The following TMEM161B variants were observed in gnomAD, a reference collection of about 807,000 sequenced individuals.
The protein encoded by TMEM161B is transmembrane protein 161B.
TMEM161B carries 34 observed loss-of-function variants against 61.8 expected under a neutral mutation model. The ratio of observed to expected loss-of-function variants is 0.55; its 90% confidence interval spans 0.42 to 0.73. The LOEUF is 0.73. Among genes scored for constraint, TMEM161B ranks in the 30% least tolerant of loss-of-function variants. The pLI is 0.00. For missense variants in TMEM161B, 456 were observed against 558.5 expected (o/e 0.82, Z 1.85); for synonymous variants, 167 against 192.8 (o/e 0.87, Z 1.11).
intron 1 of TMEM161B, among the ~76,000 whole-genome samples, chr5:88,262,328 A>T (rs1258543699): frequency 6.6e-6 from 1 of 152,178 alleles, no homozygotes; most frequent in East Asian, 1.9e-4. Flanking sequence ...ATGCAAAATG[A>T]TATAGCTTCT....
chr5:88,250,405 T>A (rs1174336558), intron 1 of TMEM161B, among the ~76,000 whole-genome samples: 2 of 152,132 alleles, frequency 1.3e-5, no homozygotes, highest in African/African-American at 4.8e-5. Context: ...ATCATTAATA[T>A]TTCCCATTCC....
At chr5:88,225,888 C>A (rs764760069) in intron 3 of TMEM161B, 22 bp from the exon 4 acceptor site, 3 of 1,508,178 alleles carry the variant, frequency 2.0e-6, no homozygotes, top group African/African-American at 2.8e-5. Context: ...AGACAAGTGA[C>A]ACAAAAAACA....
intron 5 of TMEM161B, among the ~76,000 whole-genome samples, chr5:88,217,091 T>G (rs1295437380): frequency 6.6e-6 from 1 of 152,158 alleles, no homozygotes; most frequent in Non-Finnish European, 1.5e-5. Context: ...ACTGCAGTTA[T>G]TAAGACTTCC....
chr5:88,189,650 T>C (rs536202353), exon 13 of TMEM161B: 6 of 163,560 alleles, frequency 3.7e-5, no homozygotes, highest in Non-Finnish European at 6.7e-5. Flanking sequence ...CAGGCTGAGA[T>C]TGTGTAATTT....
rs183666721 is a variant in TMEM161B at position 88,246,522 on chromosome 5, T to C, written c.4-5606A>G. Among the ~76,000 whole-genome samples, 542 of 152,040 alleles carry C rather than the reference T, an allele frequency of 3.6e-3. 2 individuals are homozygous for C. The highest frequency in any genetic ancestry group is 5.9e-3 in the Non-Finnish European group (401 of 67,914). ...CAATTTTTAAGATATTACTATGCAA[T>C]TGACAATTACAGTGTACATGCCAGG... is the stretch of plus-strand genomic sequence containing the variant. On this transcript the variant is annotated intron_variant, in intron 1 of 11. Coordinates refer to ENST00000296595, the MANE Select transcript of TMEM161B (RefSeq NM_153354.5).
intron 5 of TMEM161B, among the ~76,000 whole-genome samples, chr5:88,215,657 T>C (rs1747699863): frequency 6.6e-6 from 1 of 152,202 alleles, no homozygotes; most frequent in South Asian, 2.1e-4. Flanking sequence ...AGCTACAGGA[T>C]TCCTGCAGAG....
At chr5:88,268,667 T>C in intron 1 of TMEM161B, 54 bp downstream of exon 1, 3 of 1,613,308 alleles carry the variant, frequency 1.9e-6, no homozygotes, top group Non-Finnish European at 1.7e-6. Flanking sequence ...AGTACTGACC[T>C]CCCCGCCCTT....
chr5:88,249,395 T>C (rs1292771449), intron 1 of TMEM161B, among the ~76,000 whole-genome samples: 2 of 152,152 alleles, frequency 1.3e-5, no homozygotes, highest in South Asian at 2.1e-4. Flanking sequence ...TTGCAAAGCA[T>C]TTCTAACTGC....
chr5:88,196,525 A>G (rs779170372), intron 11 of TMEM161B, 37 bp from the exon 12 acceptor site: 35 of 1,516,348 alleles, frequency 2.3e-5, no homozygotes, highest in African/African-American at 2.8e-5. Context: ...TTTGAAGAGT[A>G]ACTAATTACC....
chr5:88,230,200 A>C (rs1421414389), intron 2 of TMEM161B, among the ~76,000 whole-genome samples: 1 of 151,928 alleles, frequency 6.6e-6, no homozygotes, highest in Non-Finnish European at 1.5e-5. Flanking sequence ...ACAAAACAAA[A>C]CAAACAAACA....
intron 9 of TMEM161B, chr5:88,202,441 T>G (rs1457243322): frequency 5.7e-6 from 1 of 176,018 alleles, no homozygotes; most frequent in Non-Finnish European, 1.2e-5. Context: ...TATCCTTATT[T>G]TTTTTAGAGG....
At chr5:88,249,765 G>A (rs1754086835) in intron 1 of TMEM161B, among the ~76,000 whole-genome samples, 1 of 152,244 alleles carries the variant, frequency 6.6e-6, no homozygotes, top group Non-Finnish European at 1.5e-5. Flanking sequence ...CCGAAAGTGT[G>A]CTGGCCTTTC....
chr5:88,229,689 C>A lies in TMEM161B; in HGVS notation c.108-1161G>T, dbSNP rs186354458. On this transcript the variant is annotated intron_variant, in intron 2 of 11. Coordinates refer to ENST00000296595, the MANE Select transcript of TMEM161B (RefSeq NM_153354.5). ...AAAAATGCATATCTAGTATGCTAGA[C>A]CCCCCAATTCTTCAATTACAAAAAT... Among the ~76,000 whole-genome samples the A allele has an allele frequency of 2.4e-3, 347 of 145,908 alleles. 2 individuals are homozygous for A. Among genetic ancestry groups the A allele is most frequent in the Middle Eastern group, 3.4e-3 (1 of 292 alleles).
intron 1 of TMEM161B, chr5:88,251,183 C>T (rs1754300592): frequency 6.6e-6 from 1 of 152,010 alleles, no homozygotes. Flanking sequence ...TATACTGAGT[C>T]TGCCTCATAT....
chr5:88,205,670 T>C (rs1340139457), intron 8 of TMEM161B, 144 bp downstream of exon 8: 2 of 884,278 alleles, frequency 2.3e-6, no homozygotes, highest in East Asian at 3.2e-5. Context: ...GAAACTTGCT[T>C]ATAGTTGAAA....
rs1749525239 is a variant in TMEM161B at position 88,195,782 on chromosome 5, C to T, written c.*429G>A. 1 of 988,372 alleles carries T rather than the reference C, an allele frequency of 1.0e-6. No individual in the cohort carries two copies. The highest frequency in any genetic ancestry group is 1.2e-6 in the Non-Finnish European group (1 of 831,896). The allele number at this position is 988,372 out of a possible 1,614,324, so 61.2% of individuals were successfully genotyped here. On this transcript the variant is annotated 3_prime_UTR_variant, in exon 12 of 12. Transcript: ENST00000296595. Reference sequence around the variant, plus strand: ...ACAGAAGAGACTTTAGCCCCTTTCCCTCCCCTAAAGCATGGCTCAGTTTGA... The same window carrying T: ...ACAGAAGAGACTTTAGCCCCTTTCCTTCCCCTAAAGCATGGCTCAGTTTGA...
downstream of TMEM161B, among the ~76,000 whole-genome samples, chr5:88,190,676 G>A (rs946572457): frequency 3.3e-5 from 5 of 152,030 alleles, no homozygotes; most frequent in African/African-American, 1.2e-4. Context: ...ACCTTGTGGA[G>A]TTTCCATACT....
chr5:88,206,656 A>G (rs2112419374), intron 6 of TMEM161B, among the ~76,000 whole-genome samples, 157 bp from the exon 7 acceptor site: 1 of 152,250 alleles, frequency 6.6e-6, no homozygotes, highest in Non-Finnish European at 1.5e-5. Flanking sequence ...CCATAATGCA[A>G]TAAAATTTGG....
intron 4 of TMEM161B, 23 bp from the exon 5 acceptor site, chr5:88,220,742 A>AAAAAAAAAAAAAAC: frequency 6.6e-7 from 1 of 1,520,350 alleles, no homozygotes; most frequent in Non-Finnish European, 8.8e-7. Context: ...AAAAAAAAAA[A>AAAAAAAAAAAAAAC]AAAAAAAAAG....
Sources: gnomAD v4.1 joint callset for allele counts (sites outside exome capture counted in the v4.1 genomes callset) on GRCh38, gnomAD v4.1.1 for gene constraint, MANE v1.5 for transcripts, NCBI Gene and HGNC (gene_info 2026-07-23, HGNC 2026-07-21) for gene names.